EMILIN2: variants seen among roughly 807,000 people sequenced by gnomAD.
EMILIN2 encodes the protein EMILIN-2.
A neutral mutation model predicts 87.1 loss-of-function variants in EMILIN2; 71 were observed. The ratio of observed to expected loss-of-function variants is 0.82; its 90% confidence interval spans 0.67 to 0.99. The LOEUF (loss-of-function observed/expected upper bound fraction) is 0.99. Ranked by LOEUF, EMILIN2 falls within the 50% of genes least tolerant of loss-of-function variation. EMILIN2 has a pLI of 0.00. For synonymous variants in EMILIN2, 581 were observed against 563.4 expected, an observed-to-expected ratio of 1.03 and a Z score of -0.44; for missense variants, 1,407 against 1,371.8, an observed-to-expected ratio of 1.03 and a Z score of -0.40.
Position 2,891,592 on chromosome 18 carries a change from C to A in EMILIN2, c.1465C>A (p.Leu489Ile). 1 of 1,614,024 alleles carries A rather than the reference C, an allele frequency of 6.2e-7. No homozygotes were observed. The change falls in exon 4 of 8, where the codon CTT becomes ATT. Residue 489 changes from leucine (L) to isoleucine (I), a missense_variant. Physicochemically the swap from Leu to Ile is conservative, Grantham distance 5 (BLOSUM62 2). Transcript: ENST00000254528. The surrounding 1 kb of genome is among the most constrained non-coding windows in gnomAD (Gnocchi z 4.6). ...INGEVGDLKQLVDQKIQSLED... is the reference protein window; with the variant it reads ...INGEVGDLKQIVDQKIQSLED... ...TGGAGAGGTGGGTGACTTGAAGCAGCTTGTTGATCAGAAAATACAGTCTCT... is the reference window on the plus strand; with the variant it reads ...TGGAGAGGTGGGTGACTTGAAGCAGATTGTTGATCAGAAAATACAGTCTCT...
In EMILIN2 at chr18:2,885,115, C is replaced by T. The variant is rs373424505; in HGVS notation, c.409C>T (p.Arg137Ter). The T allele has an allele frequency of 8.1e-6, 13 of 1,608,628 alleles. No individual in the cohort carries two copies. In the African/African-American group the frequency reaches 1.1e-4, roughly 13 times the overall value. The change falls in exon 3 of 8, where the codon CGA becomes TGA. Residue 137 changes from arginine to a stop codon, truncating the protein, a stop_gained. Coordinates refer to ENST00000254528, the MANE Select transcript of EMILIN2 (RefSeq NM_032048.3). LOFTEE classifies it high-confidence loss of function. The stretch of plus-strand genomic sequence containing the variant: ...CCTCCGCCCCACGCCGGCTCGGCCT[C>T]GAAACAGCTTGAAGAAAGCCACAGG... ...KTLRPTPARP[R>*]NSLKKATDNE...
upstream of EMILIN2, chr18:2,846,909 A>G (rs746373000): frequency 1.0e-5 from 10 of 989,340 alleles, no homozygotes; most frequent in African/African-American, 1.7e-5. This position sits in a 1 kb window ranked among gnomAD's most constrained non-coding sequence, Gnocchi z 5.3. Context: ...GGGGAGAGTC[A>G]CGTTTCGGAG....
intron 4 of EMILIN2, among the ~76,000 whole-genome samples, chr18:2,899,119 G>A (rs1002574447): frequency 6.6e-6 from 1 of 152,172 alleles, no homozygotes; most frequent in Non-Finnish European, 1.5e-5. Flanking sequence ...GGCTCACTCA[G>A]GAGATCGCTG....
chr18:2,911,723 G>T (rs555867443), intron 7 of EMILIN2, among the ~76,000 whole-genome samples: 300 of 152,292 alleles, frequency 2.0e-3, no homozygotes, highest in African/African-American at 6.9e-3. Flanking sequence ...TGGACAGGTT[G>T]GGTGGTGCTT....
In EMILIN2 at chr18:2,915,278, T is replaced by C. The variant is rs1169077018; in HGVS notation, c.*1874T>C. Reference sequence around the variant, plus strand: ...AGGCAAAACAGAATATGCCTCATTATGGCTGGAGCGTGCCTCTACTTTGAG... The same window carrying C: ...AGGCAAAACAGAATATGCCTCATTACGGCTGGAGCGTGCCTCTACTTTGAG... On this transcript the variant is annotated 3_prime_UTR_variant, in exon 8 of 8. Transcript: ENST00000254528. 2 of 152,306 alleles carry C rather than the reference T, an allele frequency of 1.3e-5. No individual in the cohort carries two copies. Among genetic ancestry groups the C allele is most frequent in the Non-Finnish European group, 2.9e-5 (2 of 68,086 alleles). The allele number at this position is 152,306 out of a possible 1,614,324, so 9.4% of individuals were successfully genotyped here. A position where few individuals can be genotyped will look rare whatever the true frequency, so the allele number is the denominator to read the frequency against.
intron 4 of EMILIN2, among the ~76,000 whole-genome samples, chr18:2,900,943 C>A (rs1371359295): frequency 1.3e-5 from 2 of 152,180 alleles, no homozygotes. Context: ...AGCAGGTATA[C>A]CTTCTGGATG....
intron 4 of EMILIN2, among the ~76,000 whole-genome samples, chr18:2,905,537 C>A (rs1004519539): frequency 2.0e-5 from 3 of 152,014 alleles, no homozygotes; most frequent in African/African-American, 7.2e-5. Context: ...AAGATAATTG[C>A]TGACTGCAGT....
chr18:2,905,383 T>G (rs892006176), intron 4 of EMILIN2, among the ~76,000 whole-genome samples: 2 of 151,184 alleles, frequency 1.3e-5, no homozygotes, highest in African/African-American at 2.4e-5. Flanking sequence ...ACAGAGTAGA[T>G]ATATATATAT....
rs753375646 is a variant in EMILIN2, at chr18:2,892,207, G to A, written c.2080G>A (p.Gly694Arg). The A allele has an allele frequency of 3.7e-6, 6 of 1,608,024 alleles. No homozygotes were observed. Among genetic ancestry groups the A allele is most frequent in the East Asian group, 2.2e-5 (1 of 44,772 alleles). ...ELDACKECTQ[G>R]VQREVSMVEG... ...GGATGCTTGTAAGGAATGCACGCAGGGGGTCCAGAGGGAGGTCTCCATGGT... is the reference window on the plus strand; with the variant it reads ...GGATGCTTGTAAGGAATGCACGCAGAGGGTCCAGAGGGAGGTCTCCATGGT... Residue 694 changes from glycine to arginine, a missense_variant, in exon 4 of 8, where the codon GGG becomes AGG. Coordinates refer to ENST00000254528, the MANE Select transcript of EMILIN2 (RefSeq NM_032048.3).
At chr18:2,903,206 C>T (rs539994603) in intron 4 of EMILIN2, among the ~76,000 whole-genome samples, 20 of 151,734 alleles carry the variant, frequency 1.3e-4, no homozygotes, top group African/African-American at 4.4e-4. Context: ...CAGGCAGAGG[C>T]GTGTGCCCTG....
At position 2,913,405 on chromosome 18, in the gene EMILIN2, G is replaced by T. The variant is rs1245739071; in HGVS notation, c.*1G>T. On this transcript the variant is annotated 3_prime_UTR_variant, in exon 8 of 8. Coordinates refer to ENST00000254528, the MANE Select transcript of EMILIN2 (RefSeq NM_032048.3). ...ATATCCTTTCCTTTCCCACCTCTAA[G>T]GTGGCTGGGGAGATGTCAGGGGAAA... 6.4e-7 allele frequency: 1 copy of T among 1,574,478 alleles called. No homozygotes were observed. Among genetic ancestry groups the T allele is most frequent in the Non-Finnish European group, 8.6e-7 (1 of 1,162,456 alleles).
intron 2 of EMILIN2, among the ~76,000 whole-genome samples, chr18:2,859,250 T>C (rs1329029758): frequency 6.6e-6 from 1 of 152,190 alleles, no homozygotes; most frequent in Non-Finnish European, 1.5e-5. Context: ...ATTTTTTTGA[T>C]TATGGCCATT....
At chr18:2,879,628 T>C in intron 2 of EMILIN2, among the ~76,000 whole-genome samples, 1 of 151,834 alleles carries the variant, frequency 6.6e-6, no homozygotes, top group East Asian at 2.0e-4. Context: ...ACCACTGCAC[T>C]CCAGCCTGAG....
In EMILIN2 at chr18:2,848,361, T is replaced by C. The variant is rs564031396; in HGVS notation, c.257+430T>C. 1.1e-4 allele frequency among the ~76,000 whole-genome samples: 16 copies of C among 152,278 alleles called. 1 individual carries two copies. The highest frequency in any genetic ancestry group is 3.9e-4 in the African/African-American group (16 of 41,538). ...GGATTCGCTGAGAGGTTTGGCTAAG[T>C]AGTGTTCTAAAACGAGTGAGTTCTG... On this transcript the variant is annotated intron_variant, in intron 2 of 7. Transcript: ENST00000254528. The surrounding 1 kb of genome is among the most constrained non-coding windows in gnomAD (Gnocchi z 4.1).
intron 4 of EMILIN2, among the ~76,000 whole-genome samples, chr18:2,902,443 C>T (rs974655000): frequency 1.3e-5 from 2 of 152,150 alleles, no homozygotes; most frequent in Non-Finnish European, 2.9e-5. Flanking sequence ...CTGTTCAAGC[C>T]TGCTGGGCCA....
chr18:2,887,319 A>G (rs1360720315), intron 3 of EMILIN2, among the ~76,000 whole-genome samples: 2 of 152,048 alleles, frequency 1.3e-5, no homozygotes, highest in Non-Finnish European at 2.9e-5. Context: ...GGAAGGAGTA[A>G]AAAGAAATGC....
At chr18:2,863,729 A>G (rs969276678) in intron 2 of EMILIN2, among the ~76,000 whole-genome samples, 3 of 152,170 alleles carry the variant, frequency 2.0e-5, no homozygotes, top group Non-Finnish European at 2.9e-5. Flanking sequence ...GTAGATGTCT[A>G]TTAGGTCCAC....
At chr18:2,906,350 C>A (rs972327411) in intron 4 of EMILIN2, 1 of 154,512 alleles carries the variant, frequency 6.5e-6, no homozygotes, top group Non-Finnish European at 1.4e-5. Context: ...CCGGCAGGGT[C>A]CCTCGGCAGC....
rs1011546210 is a variant in EMILIN2 at position 2,912,333 on chromosome 18, G to A, written c.2825-734G>A. Among the ~76,000 whole-genome samples, 5 of 152,196 alleles carry A rather than the reference G, an allele frequency of 3.3e-5. No individual in the cohort carries two copies. In the East Asian group the frequency reaches 7.7e-4, roughly 24 times the overall value. Reference sequence around the variant, plus strand: ...TGGGATTACAGGCGTGAGCCACCACGCATGGCCAGGACCACCCTTTTTAGC... The same window carrying A: ...TGGGATTACAGGCGTGAGCCACCACACATGGCCAGGACCACCCTTTTTAGC... On this transcript the variant is annotated intron_variant, in intron 7 of 7. Coordinates refer to ENST00000254528, the MANE Select transcript of EMILIN2 (RefSeq NM_032048.3).
Sources: allele counts gnomAD v4.1 joint callset (sites outside exome capture counted in the v4.1 genomes callset), GRCh38; gene constraint gnomAD v4.1.1; non-coding constraint Gnocchi (gnomAD v3.1); transcripts MANE v1.5; gene names NCBI Gene and HGNC (gene_info 2026-07-23, HGNC 2026-07-21).